Variants in PLCL1 observed in about 807,000 individuals in gnomAD.
PLCL1 encodes inactive phospholipase C-like protein 1.
PLCL1 carries 41 observed loss-of-function variants against 84.4 expected under a neutral mutation model. The observed-to-expected ratio is 0.49, with a 90% CI of 0.38 to 0.63. PLCL1 has a LOEUF of 0.63. Ranked by LOEUF, PLCL1 falls within the 30% of genes least tolerant of loss-of-function variation. The pLI is 0.00. For synonymous variants in PLCL1, 490 were observed against 488.3 expected, an observed-to-expected ratio of 1.00 and a Z score of -0.05; for missense variants, 1,206 against 1,367.8, an observed-to-expected ratio of 0.88 and a Z score of 1.87.
At chr2:198,064,922 A>G (rs1692288269) in intron 1 of PLCL1, among the ~76,000 whole-genome samples, 1 of 152,226 alleles carries the variant, frequency 6.6e-6, no homozygotes, top group South Asian at 2.1e-4. Context: ...TTATGGAGAC[A>G]GAAGCTTGTG....
chr2:197,998,216 T>TGTGTGTGTGA (rs1288667570), intron 1 of PLCL1, among the ~76,000 whole-genome samples: 29 of 149,192 alleles, frequency 1.9e-4, no homozygotes, highest in South Asian at 4.2e-4. Flanking sequence ...TGTGTGTGTG[T>TGTGTGTGTGA]GATATGAGAT....
intron 1 of PLCL1, among the ~76,000 whole-genome samples, chr2:197,977,391 G>A (rs1381147921): frequency 6.6e-6 from 1 of 151,830 alleles, no homozygotes; most frequent in African/African-American, 2.4e-5. Flanking sequence ...CAGAAAAATT[G>A]GTTTGATTGG....
chr2:197,938,055 A>G (rs1195241554), intron 1 of PLCL1, among the ~76,000 whole-genome samples: 1 of 152,162 alleles, frequency 6.6e-6, no homozygotes, highest in African/African-American at 2.4e-5. Flanking sequence ...ACATGATCAC[A>G]TCTATGTCTC....
chr2:197,959,447 A>G (rs1488483545), intron 1 of PLCL1, among the ~76,000 whole-genome samples: 1 of 152,034 alleles, frequency 6.6e-6, no homozygotes, highest in Non-Finnish European at 1.5e-5. Flanking sequence ...AATCCCATCC[A>G]AAAAATATTC....
rs61752178 is a variant in PLCL1 at position 198,084,350 on chromosome 2, C to T, written c.833C>T (p.Ala278Val). The T allele has an allele frequency of 3.0e-3, 4,783 of 1,613,972 alleles. 12 individuals carry two copies. Among genetic ancestry groups the T allele is most frequent in the Non-Finnish European group, 3.6e-3 (4,291 of 1,179,874 alleles). Reference sequence around the variant, plus strand: ...CAACTCAACCCTACTCTGAAGGAAGCCAAGATCAGGTTAAAGTTTAAAGAA... The same window carrying T: ...CAACTCAACCCTACTCTGAAGGAAGTCAAGATCAGGTTAAAGTTTAAAGAA... ...IKQLNPTLKEAKIRLKFKEIQ... is the reference protein window; with the variant it reads ...IKQLNPTLKEVKIRLKFKEIQ... The change falls in exon 2 of 6, where the codon GCC becomes GTC. Residue 278 changes from alanine (A) to valine (V), a missense_variant. Transcript: ENST00000428675.
intron 1 of PLCL1, among the ~76,000 whole-genome samples, chr2:197,858,439 C>T (rs1687368857): frequency 6.6e-6 from 1 of 152,144 alleles, no homozygotes. Context: ...CTGATTTTTC[C>T]TCTATCGCGT....
intron 1 of PLCL1, among the ~76,000 whole-genome samples, chr2:197,900,111 T>C (rs543666361): frequency 9.2e-5 from 14 of 152,368 alleles, no homozygotes; most frequent in African/African-American, 3.4e-4. Context: ...CATGTGTTTA[T>C]TGTTTGTCCC....
At chr2:197,999,172 G>T (rs929148189) in intron 1 of PLCL1, among the ~76,000 whole-genome samples, 8 of 152,208 alleles carry the variant, frequency 5.3e-5, no homozygotes, top group Middle Eastern at 3.4e-3. Flanking sequence ...GGTCCCTAAA[G>T]GTCAGCTTCT....
intron 1 of PLCL1, among the ~76,000 whole-genome samples, chr2:197,914,666 T>C (rs1450168410): frequency 6.6e-6 from 1 of 152,184 alleles, no homozygotes; most frequent in Non-Finnish European, 1.5e-5. Flanking sequence ...ATGAAAGAGA[T>C]ACTGTTAAAC....
At chr2:197,890,790 G>A (rs1176787301) in intron 1 of PLCL1, among the ~76,000 whole-genome samples, 1 of 135,904 alleles carries the variant, frequency 7.4e-6, no homozygotes, top group Non-Finnish European at 1.6e-5. Flanking sequence ...ATGTATATAT[G>A]TATATATATA....
At chr2:197,810,156 T>C (rs1039938170) in intron 1 of PLCL1, 30 of 330,148 alleles carry the variant, frequency 9.1e-5, no homozygotes, top group African/African-American at 6.5e-4. Flanking sequence ...ACCTCTTAGG[T>C]AGATTTGGTT....
intron 1 of PLCL1, among the ~76,000 whole-genome samples, chr2:198,021,542 T>C (rs1214712789): frequency 6.6e-6 from 1 of 151,776 alleles, no homozygotes; most frequent in Non-Finnish European, 1.5e-5. Context: ...ATAGACACAA[T>C]AAAAAATGAT....
At chr2:197,860,182 A>G (rs184444371) in intron 1 of PLCL1, among the ~76,000 whole-genome samples, 97 of 151,810 alleles carry the variant, frequency 6.4e-4, no homozygotes, top group African/African-American at 2.2e-3. Flanking sequence ...TAGCTCCATT[A>G]ATGTCCCTGC....
intron 1 of PLCL1, among the ~76,000 whole-genome samples, chr2:197,827,995 T>G (rs1690969738): frequency 6.6e-6 from 1 of 152,202 alleles, no homozygotes; most frequent in Non-Finnish European, 1.5e-5. Flanking sequence ...AATATCATTT[T>G]GCTAACTTTT....
At chr2:197,949,036 T>C (rs949961991) in intron 1 of PLCL1, among the ~76,000 whole-genome samples, 1 of 152,152 alleles carries the variant, frequency 6.6e-6, no homozygotes, top group Non-Finnish European at 1.5e-5. Flanking sequence ...CCTGCTTCTC[T>C]GCATGCCAGA....
At chr2:198,077,247 T>A (rs1692597809) in intron 1 of PLCL1, among the ~76,000 whole-genome samples, 1 of 152,044 alleles carries the variant, frequency 6.6e-6, no homozygotes, top group African/African-American at 2.4e-5. Flanking sequence ...ATCCTAGGCA[T>A]CTTAAAAGGA....
chr2:198,018,615 G>A (rs1691057595), intron 1 of PLCL1, among the ~76,000 whole-genome samples: 1 of 152,174 alleles, frequency 6.6e-6, no homozygotes, highest in African/African-American at 2.4e-5. Flanking sequence ...AAGCCGCCTG[G>A]AAGTTCGGAC....
At chr2:197,832,383 G>A (rs959473352) in intron 1 of PLCL1, among the ~76,000 whole-genome samples, 5 of 152,074 alleles carry the variant, frequency 3.3e-5, no homozygotes, top group African/African-American at 1.2e-4. Context: ...ACACCTCTAC[G>A]CAAATAAACT....
intron 1 of PLCL1, among the ~76,000 whole-genome samples, chr2:198,010,892 T>A (rs879523230): frequency 2.2e-4 from 34 of 151,924 alleles, no homozygotes; most frequent in Non-Finnish European, 4.3e-4. Flanking sequence ...ATTTGTCTTT[T>A]TTTAGATTAT....
Sources: allele counts gnomAD v4.1 joint callset (sites outside exome capture counted in the v4.1 genomes callset), GRCh38; gene constraint gnomAD v4.1.1; transcripts MANE v1.5; gene names NCBI Gene and HGNC (gene_info 2026-07-23, HGNC 2026-07-21).